Variants in GCA observed in about 807,000 individuals in gnomAD.
GCA encodes grancalcin.
A neutral mutation model predicts 32.6 loss-of-function variants in GCA; 30 were observed. That is an observed-to-expected ratio of 0.92 (90% confidence interval 0.69 to 1.25). The LOEUF is 1.25. Ranked by LOEUF, GCA falls within the 50% of genes most tolerant of loss-of-function variation. The pLI, the probability that GCA is intolerant of heterozygous loss-of-function variation, is 0.00. For synonymous variants in GCA, 102 were observed against 84.6 expected, an observed-to-expected ratio of 1.21 and a Z score of -1.13; for missense variants, 291 against 266.8, an observed-to-expected ratio of 1.09 and a Z score of -0.63.
upstream of GCA, chr2:162,344,066 C>A (rs986114960): frequency 2.2e-5 from 14 of 644,270 alleles, no homozygotes; most frequent in African/African-American, 2.5e-4. Context: ...CTCAGCCAAT[C>A]GGAACCGTGC....
upstream of GCA, among the ~76,000 whole-genome samples, chr2:162,340,953 C>T (rs75698547): frequency 4.1e-3 from 619 of 152,162 alleles, 20 homozygotes; most frequent in East Asian, 0.099. Context: ...ATCTCCCTAC[C>T]CCTTAACCTT....
intron 1 of GCA, among the ~76,000 whole-genome samples, chr2:162,345,093 A>G (rs1052417666): frequency 1.0e-4 from 11 of 109,346 alleles, no homozygotes; most frequent in Admixed American, 6.9e-4. Context: ...CTTGGAGTTC[A>G]TGGTGGTGGT....
At chr2:162,353,828 A>AT (rs1685119168) in intron 3 of GCA, among the ~76,000 whole-genome samples, 1 of 151,564 alleles carries the variant, frequency 6.6e-6, no homozygotes, top group Non-Finnish European at 1.5e-5. Flanking sequence ...CTTCAATGAT[A>AT]TTTTCTGTTT....
At chr2:162,326,063 G>T (rs1242911738) in intron 1 of GCA, among the ~76,000 whole-genome samples, 2 of 152,280 alleles carry the variant, frequency 1.3e-5, no homozygotes, top group Middle Eastern at 3.4e-3. Flanking sequence ...GCTTGAGGGA[G>T]TTGGCTCCTC....
At chr2:162,351,264 A>T (rs1165554889) in intron 2 of GCA, among the ~76,000 whole-genome samples, 2 of 152,220 alleles carry the variant, frequency 1.3e-5, no homozygotes, top group African/African-American at 4.8e-5. Context: ...GGCATGACAC[A>T]GCTACCTTTG....
At chr2:162,356,530 T>C (rs1300344593) in intron 4 of GCA, 49 bp downstream of exon 4, 1 of 1,159,732 alleles carries the variant, frequency 8.6e-7, no homozygotes, top group Non-Finnish European at 1.3e-6. Flanking sequence ...GTAATTGCTT[T>C]CTGACTATCA....
upstream of GCA, among the ~76,000 whole-genome samples, chr2:162,339,322 C>T (rs1684368301): frequency 1.3e-5 from 2 of 151,934 alleles, no homozygotes; most frequent in African/African-American, 4.8e-5. Flanking sequence ...TGAATAATTT[C>T]TGGAAAAGTA....
intron 1 of GCA, among the ~76,000 whole-genome samples, chr2:162,336,025 T>C (rs1431084658): frequency 6.6e-6 from 1 of 152,224 alleles, no homozygotes; most frequent in African/African-American, 2.4e-5. Flanking sequence ...ATAATGTGCT[T>C]AGCTGATAGG....
exon 5 of GCA, chr2:162,371,313 G>A: frequency 1.6e-6 from 2 of 1,285,964 alleles, no homozygotes; most frequent in South Asian, 1.2e-5. Flanking sequence ...CAGTGTGGAG[G>A]AATGAACGTA....
At position 162,360,576 on chromosome 2, in the gene GCA, A is replaced by G. The variant is rs1384855636; in HGVS notation, c.*333A>G. On this transcript the variant is annotated 3_prime_UTR_variant, in exon 8 of 8. Transcript: ENST00000437150. ...TACTTTACAAGATAGATTGTATAAG[A>G]AGCCAAATAATGAAAGCCTAGAAAA... 5.4e-6 allele frequency: 6 copies of G among 1,114,070 alleles called. No individual in the cohort carries two copies. In the African/African-American group the frequency reaches 9.7e-5, roughly 18 times the overall value. The allele number at this position is 1,114,070 out of a possible 1,614,324, so 69.0% of individuals were successfully genotyped here. A position where few individuals can be genotyped will look rare whatever the true frequency, so the allele number is the denominator to read the frequency against.
chr2:162,370,972 C>T (rs1408943952), intron 4 of GCA, among the ~76,000 whole-genome samples: 1 of 151,912 alleles, frequency 6.6e-6, no homozygotes, highest in African/African-American at 2.4e-5. Flanking sequence ...TGCCATGTTG[C>T]CCAGGCTGTA....
chr2:162,364,935 G>T (rs1558908286), downstream of GCA, among the ~76,000 whole-genome samples: 1 of 151,460 alleles, frequency 6.6e-6, no homozygotes, highest in Non-Finnish European at 1.5e-5. Flanking sequence ...GCAATAATAG[G>T]TGAAATATTA....
chr2:162,318,891 G>A (rs1315752735), upstream of GCA: 2 of 203,674 alleles, frequency 9.8e-6, no homozygotes, highest in Admixed American at 1.1e-4. Context: ...AAGCTCCTCC[G>A]GCGGATATTT....
upstream of GCA, among the ~76,000 whole-genome samples, chr2:162,339,677 GC>G (rs1558889533): frequency 2.6e-5 from 4 of 152,130 alleles, no homozygotes; most frequent in Non-Finnish European, 5.9e-5. Flanking sequence ...CAGAAAGTTT[GC>G]CCCCTCTCTG....
At chr2:162,363,555 T>C (rs1444469111), downstream of GCA, among the ~76,000 whole-genome samples, 1 of 151,440 alleles carries the variant, frequency 6.6e-6, no homozygotes. Flanking sequence ...ATTTGAAGTC[T>C]AGAATGAGGT....
chr2:162,341,567 G>T (rs965935892), upstream of GCA, among the ~76,000 whole-genome samples: 3 of 151,992 alleles, frequency 2.0e-5, no homozygotes, highest in Non-Finnish European at 4.4e-5. Context: ...ATAGTCACCA[G>T]AAAGGATGTA....
chr2:162,360,264 G>A lies in GCA; in HGVS notation c.*21G>A. ...TTTGAATGCTTAGAATTTTAAACCT[G>A]AAGAGACACTGTGAATTCTTTTGTT... On this transcript the variant is annotated 3_prime_UTR_variant, in exon 8 of 8. Coordinates refer to ENST00000437150, the MANE Select transcript of GCA (RefSeq NM_012198.5). The A allele has an allele frequency of 6.3e-7, 1 of 1,583,558 alleles. No individual in the cohort carries two copies. Among genetic ancestry groups the A allele is most frequent in the Non-Finnish European group, 8.6e-7 (1 of 1,160,682 alleles).
At chr2:162,358,380 C>A (rs1303339290) in intron 5 of GCA, among the ~76,000 whole-genome samples, 5 of 151,248 alleles carry the variant, frequency 3.3e-5, no homozygotes, top group Non-Finnish European at 7.4e-5. Context: ...TTTAAACATA[C>A]TGGGAGTGAA....
chr2:162,335,264 A>T (rs970588975), intron 1 of GCA, among the ~76,000 whole-genome samples: 1 of 152,032 alleles, frequency 6.6e-6, no homozygotes, highest in Non-Finnish European at 1.5e-5. Context: ...ATACAAAAAA[A>T]TTTAGCCAGA....
Sources: allele counts gnomAD v4.1 joint callset (sites outside exome capture counted in the v4.1 genomes callset), GRCh38; gene constraint gnomAD v4.1.1; transcripts MANE v1.5; gene names NCBI Gene and HGNC (gene_info 2026-07-23, HGNC 2026-07-21).